The following KLRC2 variants were observed in gnomAD, a reference collection of about 807,000 sequenced individuals.
KLRC2 encodes killer cell lectin like receptor C2, also known as NKG2-C type II integral membrane protein.
KLRC2 carries 10 observed loss-of-function variants against 25.5 expected under a neutral mutation model. The ratio of observed to expected loss-of-function variants is 0.39; its 90% confidence interval spans 0.24 to 0.67. The LOEUF is 0.67. KLRC2 is among the 30% of genes least tolerant of loss of function. The pLI is 0.45. For synonymous variants in KLRC2, 48 were observed against 93.3 expected (o/e 0.51, Z 2.80); for missense variants, 170 against 272.8 (o/e 0.62, Z 2.65).
chr12:10,433,527 T>C (rs1863836918), intron 4 of KLRC2, among the ~76,000 whole-genome samples: 1 of 141,888 alleles, frequency 7.0e-6, no homozygotes, highest in Non-Finnish European at 1.5e-5. Flanking sequence ...GATGATATCA[T>C]GCCCGATAAA....
rs2981595 is a variant in KLRC2, at chr12:10,430,698, G to A, written c.*419C>T. The stretch of plus-strand genomic sequence containing the variant: ...ATCAATGATGTTTAGTATATTCGCA[G>A]AGTTACAACCATCACCACTACTGAA... On this transcript the variant is annotated 3_prime_UTR_variant, in exon 6 of 6. Coordinates refer to ENST00000381902, the MANE Select transcript of KLRC2 (RefSeq NM_002260.4). 0.69 allele frequency: 104,818 copies of A among 151,300 alleles called. 43,069 individuals are homozygous for A. Among genetic ancestry groups the A allele is most frequent in the Non-Finnish European group, 0.83 (58,799 of 70,526 alleles). 9.4% of individuals were successfully genotyped at this position (151,300 alleles called of 1,614,324 possible). A position where few individuals can be genotyped will look rare whatever the true frequency, so the allele number is the denominator to read the frequency against.
chr12:10,434,683 T>C (rs1364209526), intron 2 of KLRC2, among the ~76,000 whole-genome samples, 153 bp from the exon 3 acceptor site: 1 of 147,430 alleles, frequency 6.8e-6, no homozygotes, highest in Non-Finnish European at 1.5e-5. Flanking sequence ...TATAAAGTAA[T>C]AGACCTTTGA....
chr12:10,430,657 C>T lies in KLRC2; in HGVS notation c.*460G>A, dbSNP rs1863801052. Reference sequence around the variant, plus strand: ...ATGTACAAAGCATACATTTCATGCACTTAAAATGATTAAAAATCAATGATG... The same window carrying T: ...ATGTACAAAGCATACATTTCATGCATTTAAAATGATTAAAAATCAATGATG... On this transcript the variant is annotated 3_prime_UTR_variant, in exon 6 of 6. Coordinates refer to ENST00000381902, the MANE Select transcript of KLRC2 (RefSeq NM_002260.4). 1 of 146,894 alleles carries T rather than the reference C, an allele frequency of 6.8e-6. No individual in the cohort carries two copies. The highest frequency in any genetic ancestry group is 2.1e-4 in the East Asian group (1 of 4,840). The allele number at this position is 146,894 out of a possible 1,614,324, so 9.1% of individuals were successfully genotyped here.
intron 3 of KLRC2, 142 bp downstream of exon 3, chr12:10,434,344 C>T (rs1863846725): frequency 9.3e-6 from 6 of 646,640 alleles, no homozygotes; most frequent in South Asian, 6.3e-5. Context: ...GGAAATGCTG[C>T]CTCATAATCT....
rs149277235 is a variant in KLRC2, at chr12:10,435,967, G to A, written c.20C>T (p.Thr7Ile). MNKQRG[T>I]FSEVSLAQDP... ...CTGGGCCAGACTCACTTCTGAGAAG[G>A]TTCCTCTTTGTTTATTCATCTCTGC... The change falls in exon 1 of 6, where the codon ACC (threonine) becomes ATC (isoleucine). Residue 7 changes from threonine (T) to isoleucine (I), a missense_variant. Physicochemically the swap from Thr to Ile is moderately conservative, Grantham distance 89. Coordinates refer to ENST00000381902, the MANE Select transcript of KLRC2 (RefSeq NM_002260.4). 3.9e-4 allele frequency: 627 copies of A among 1,605,178 alleles called. No individual in the cohort carries two copies. Among genetic ancestry groups the A allele is most frequent in the Non-Finnish European group, 5.1e-4 (596 of 1,175,150 alleles).
At position 10,435,666 on chromosome 12, in the gene KLRC2, A is replaced by G; in HGVS notation, c.187+134T>C. The G allele has an allele frequency of 1.8e-6, 2 of 1,114,706 alleles. 1 individual carries two copies. Among genetic ancestry groups the G allele is most frequent in the Non-Finnish European group, 2.5e-6 (2 of 798,060 alleles). The allele number at this position is 1,114,706 out of a possible 1,614,324, so 69.1% of individuals were successfully genotyped here. On this transcript the variant is annotated intron_variant, in intron 1 of 5. Coordinates refer to ENST00000381902, the MANE Select transcript of KLRC2 (RefSeq NM_002260.4). ...CGAATAAAATTAGTCTTCTGATTTC[A>G]TATTAGAATTTTAGATCCCAATTAT...
intron 4 of KLRC2, among the ~76,000 whole-genome samples, chr12:10,432,700 A>G (rs2137873298): frequency 7.5e-6 from 1 of 133,754 alleles, no homozygotes; most frequent in African/African-American, 2.9e-5. Flanking sequence ...CAGGTGGTGT[A>G]GACTCGTCTC....
intron 5 of KLRC2, among the ~76,000 whole-genome samples, chr12:10,431,699 C>G (rs1355882418): frequency 7.0e-6 from 1 of 142,026 alleles, no homozygotes; most frequent in African/African-American, 2.7e-5. Context: ...AACTCGCTGC[C>G]CATGGGCCGC....
In KLRC2 at chr12:10,431,151, G is replaced by T. The variant is rs375212295; in HGVS notation, c.662C>A (p.Ser221Tyr). 2 of 1,544,888 alleles carry T rather than the reference G, an allele frequency of 1.3e-6. No homozygotes were observed. The highest frequency in any genetic ancestry group is 1.5e-5 in the African/African-American group (1 of 68,210). The change falls in exon 6 of 6, where the codon TCT becomes TAT. Residue 221 changes from serine (S) to tyrosine (Y), a missense_variant. This residue lies in a region of KLRC2 where 129 missense variants were observed against 150.2 expected (regional missense o/e 0.86). Coordinates refer to ENST00000381902, the MANE Select transcript of KLRC2 (RefSeq NM_002260.4). Reference protein sequence around the residue: ...VNRLKSAQCGSSMIYHCKHKL With the variant: ...VNRLKSAQCGYSMIYHCKHKL ...ATGCTTACAATGATATATCATTGAA[G>T]ATCCACACTGGGCTGATTTAAGTCG...
In KLRC2 at chr12:10,432,365, T is replaced by G. The variant is rs1303580459; in HGVS notation, c.484-159A>C. On this transcript the variant is annotated intron_variant, in intron 4 of 5. Coordinates refer to ENST00000381902, the MANE Select transcript of KLRC2 (RefSeq NM_002260.4). ...CTCTTCAACGTTTATACTTAGTACT[T>G]TCATTCTTATTCTCATGTTAATAAA... Among the ~76,000 whole-genome samples the G allele has an allele frequency of 1.6e-5, 2 of 121,952 alleles. 1 individual carries two copies. The highest frequency in any genetic ancestry group is 6.0e-5 in the African/African-American group (2 of 33,416). 80.0% of individuals were successfully genotyped at this position (121,952 alleles called of 152,430 possible). A position where few individuals can be genotyped will look rare whatever the true frequency, so the allele number is the denominator to read the frequency against.
Position 10,434,552 on chromosome 12 carries a change from G to T in KLRC2, c.287-22C>A, listed in dbSNP as rs182930015. ...AGGACTGTAATAGAAAAATTAAAAT[G>T]ATTTTTATAAAAACTGATATCTAGA... On this transcript the variant is annotated intron_variant, in intron 2 of 5. Transcript: ENST00000381902. 5.8e-3 allele frequency: 8,697 copies of T among 1,506,526 alleles called. No homozygotes were observed. The African/African-American group carries it at 0.12, about 21-fold the overall frequency. The allele number at this position is 1,506,526 out of a possible 1,614,324, so 93.3% of individuals were successfully genotyped here.
rs532502450 is a variant in KLRC2 at position 10,431,949 on chromosome 12, G to A, written c.584+157C>T. ...GACCAATGAGCGGTTGAAATATATGGACTACTATGGTCTATTGTAAAATAT... is the reference window on the plus strand; with the variant it reads ...GACCAATGAGCGGTTGAAATATATGAACTACTATGGTCTATTGTAAAATAT... On this transcript the variant is annotated intron_variant, in intron 5 of 5. Transcript: ENST00000381902. Among the ~76,000 whole-genome samples the A allele has an allele frequency of 2.1e-5, 3 of 141,162 alleles. 1 individual carries two copies. The highest frequency in any genetic ancestry group is 4.4e-4 in the South Asian group (2 of 4,538). 92.6% of individuals were successfully genotyped at this position (141,162 alleles called of 152,430 possible).
In KLRC2 at chr12:10,432,202, A is replaced by T; in HGVS notation, c.488T>A (p.Phe163Tyr). 1 of 1,400,342 alleles carries T rather than the reference A, an allele frequency of 7.1e-7. No individual in the cohort carries two copies. Among genetic ancestry groups the T allele is most frequent in the Non-Finnish European group, 9.7e-7 (1 of 1,032,092 alleles). 86.7% of individuals were successfully genotyped at this position (1,400,342 alleles called of 1,614,324 possible). ...LSIDNEEEMKFLASILPSSWI... is the reference protein window; with the variant it reads ...LSIDNEEEMKYLASILPSSWI... Reference sequence around the variant, plus strand: ...TGAGGAAGGTAAAATGCTGGCCAGAAATTTCTAAAAGAAAAGAAATAATTT... The same window carrying T: ...TGAGGAAGGTAAAATGCTGGCCAGATATTTCTAAAAGAAAAGAAATAATTT... The change falls in exon 5 of 6, where the codon TTT (phenylalanine) becomes TAT (tyrosine). Residue 163 changes from phenylalanine to tyrosine, a missense_variant. This residue lies in a region of KLRC2 where 129 missense variants were observed against 150.2 expected (regional missense o/e 0.86). Transcript: ENST00000381902.
chr12:10,433,647 CATT>C (rs1863838028), intron 4 of KLRC2, 141 bp downstream of exon 4: 6 of 976,432 alleles, frequency 6.1e-6, no homozygotes, highest in Admixed American at 5.8e-5. Context: ...ACTTTAAAAA[CATT>C]ATTAAGTCAA....
intron 4 of KLRC2, among the ~76,000 whole-genome samples, chr12:10,433,278 T>A (rs1863834214): frequency 7.1e-6 from 1 of 141,798 alleles, no homozygotes; most frequent in Non-Finnish European, 1.5e-5. Context: ...TGCACAAATA[T>A]CAGATAGGAT....
intron 4 of KLRC2, among the ~76,000 whole-genome samples, chr12:10,432,473 G>C (rs1410031786): frequency 1.0e-5 from 1 of 98,166 alleles, no homozygotes; most frequent in East Asian, 3.2e-4. Flanking sequence ...TCCTGATACT[G>C]TGCATTCATT....
chr12:10,434,037 A>C, intron 3 of KLRC2, 95 bp from the exon 4 acceptor site: 1 of 1,450,530 alleles, frequency 6.9e-7, no homozygotes, highest in Non-Finnish European at 9.3e-7. Flanking sequence ...ATATGTGCTT[A>C]ACATATTTAC....
chr12:10,435,329 G>A lies in KLRC2; in HGVS notation c.269C>T (p.Thr90Ile), dbSNP rs1403290124. The A allele has an allele frequency of 6.2e-7, 1 of 1,612,088 alleles. No homozygotes were observed. Among genetic ancestry groups the A allele is most frequent in the Non-Finnish European group, 8.5e-7 (1 of 1,179,300 alleles). Residue 90 changes from threonine (T) to isoleucine (I), a missense_variant, in exon 2 of 6, where the codon ACA becomes ATA. Around this residue, in one of 3 missense-constraint regions of KLRC2, gnomAD observed 4 missense variants for 54.6 expected, o/e 0.07. Coordinates refer to ENST00000381902, the MANE Select transcript of KLRC2 (RefSeq NM_002260.4). Reference protein sequence around the residue: ...CIVLMATVLKTIVLIPFLEQN... With the variant: ...CIVLMATVLKIIVLIPFLEQN... Reference sequence around the variant, plus strand: ...ATGCTTACAAGGAATAAGAACTATTGTTTTTAACACAGTGGCCATCAGGAC... The same window carrying A: ...ATGCTTACAAGGAATAAGAACTATTATTTTTAACACAGTGGCCATCAGGAC...
intron 3 of KLRC2, 161 bp from the exon 4 acceptor site, chr12:10,434,103 C>T: frequency 8.6e-7 from 1 of 1,166,190 alleles, no homozygotes; most frequent in Non-Finnish European, 1.2e-6. Context: ...GTCATACACA[C>T]ATGCACAGAC....
Sources: allele counts gnomAD v4.1 joint callset (sites outside exome capture counted in the v4.1 genomes callset), GRCh38; gene constraint gnomAD v4.1.1; regional missense constraint gnomAD v4.1.1; transcripts MANE v1.5; gene names NCBI Gene and HGNC (gene_info 2026-07-23, HGNC 2026-07-21).